The following PCDH15 variants were observed in gnomAD, a reference collection of about 807,000 sequenced individuals.
PCDH15 encodes the protein protocadherin related 15, also known as protocadherin-15.
A neutral mutation model predicts 178.5 loss-of-function variants in PCDH15; 129 were observed. That is an observed-to-expected ratio of 0.72 (90% CI 0.63 to 0.84). The LOEUF (loss-of-function observed/expected upper bound fraction) is 0.84. Ranked by LOEUF, PCDH15 falls within the 40% of genes least tolerant of loss-of-function variation. The pLI, the probability that PCDH15 is intolerant of heterozygous loss-of-function variation, is 0.00. For missense variants in PCDH15, 2,230 were observed against 2,099.9 expected (o/e 1.06, Z -1.21); for synonymous variants, 800 against 732.0 (o/e 1.09, Z -1.50).
chr10:54,858,579 G>T (rs538233015), intron 3 of PCDH15, among the ~76,000 whole-genome samples: 2 of 151,910 alleles, frequency 1.3e-5, no homozygotes, highest in Non-Finnish European at 2.9e-5. Context: ...TATTGCATGG[G>T]AGTGCTTCTT....
intron 13 of PCDH15, among the ~76,000 whole-genome samples, chr10:54,155,859 T>C (rs2045081692): frequency 1.3e-5 from 2 of 151,714 alleles, no homozygotes; most frequent in East Asian, 1.9e-4. Context: ...TTCTGAAGTC[T>C]ATTAGATGAT....
chr10:54,507,278 A>G (rs2081251585), intron 3 of PCDH15, among the ~76,000 whole-genome samples: 1 of 151,554 alleles, frequency 6.6e-6, no homozygotes, highest in Non-Finnish European at 1.5e-5. Context: ...AAATAATAAT[A>G]ATACTTTTAT....
At chr10:54,970,150 T>C (rs1352799153) in intron 2 of PCDH15, among the ~76,000 whole-genome samples, 1 of 152,224 alleles carries the variant, frequency 6.6e-6, no homozygotes, top group Non-Finnish European at 1.5e-5. Context: ...GCCATGCAAG[T>C]ACACAGTGGC....
chr10:54,254,238 G>T (rs2132146499), intron 8 of PCDH15, among the ~76,000 whole-genome samples: 1 of 152,180 alleles, frequency 6.6e-6, no homozygotes, highest in South Asian at 2.1e-4. Flanking sequence ...AAGAAGCAAT[G>T]ATTAGAATTT....
chr10:55,363,686 A>C (rs1588955503), intron 2 of PCDH15, among the ~76,000 whole-genome samples: 1 of 151,942 alleles, frequency 6.6e-6, no homozygotes, highest in African/African-American at 2.4e-5. Flanking sequence ...CACAGGCTGG[A>C]GTGCAATGGC....
chr10:55,345,141 G>GTC (rs764374706), intron 2 of PCDH15, among the ~76,000 whole-genome samples: 6,317 of 150,750 alleles, frequency 0.042, 244 homozygotes, highest in African/African-American at 0.11. Context: ...GTGTGTGTGT[G>GTC]TCTCTCTCTC....
intron 1 of PCDH15, among the ~76,000 whole-genome samples, chr10:55,179,573 C>CT (rs1181095564): frequency 2.6e-4 from 6 of 22,790 alleles, no homozygotes; most frequent in Admixed American, 2.0e-3. Context: ...CCCATAGAAA[C>CT]CTGGACTCAG....
rs74136394 is a variant in PCDH15 at position 55,212,213 on chromosome 10, A to T, written c.-155-45562T>A. ...AATTTGCACCCTATGCAGGTGGCAC[A>T]TCTAGTCCTAACCAGTTTTTCACAG... On this transcript the variant is annotated intron_variant, in intron 1 of 5. Coordinates refer to the PCDH15 transcript ENST00000458638. 3.7e-3 allele frequency among the ~76,000 whole-genome samples: 559 copies of T among 152,252 alleles called. 4 individuals carry two copies. Among genetic ancestry groups the T allele is most frequent in the African/African-American group, 0.013 (544 of 41,500 alleles).
At chr10:54,082,394 G>T (rs1270794980) in intron 16 of PCDH15, among the ~76,000 whole-genome samples, 1 of 152,060 alleles carries the variant, frequency 6.6e-6, no homozygotes, top group Non-Finnish European at 1.5e-5. Flanking sequence ...GTGTACTGGG[G>T]AATACAGAAT....
At chr10:53,865,749 A>ATT (rs112075602) in intron 27 of PCDH15, among the ~76,000 whole-genome samples, 4 of 151,564 alleles carry the variant, frequency 2.6e-5, no homozygotes, top group African/African-American at 9.7e-5. Flanking sequence ...GAAGAAAAAT[A>ATT]AAGCATTGAT....
chr10:54,585,246 A>G (rs1429820815), intron 2 of PCDH15, among the ~76,000 whole-genome samples: 1 of 152,116 alleles, frequency 6.6e-6, no homozygotes, highest in Non-Finnish European at 1.5e-5. Flanking sequence ...TGGAATATCT[A>G]TCCTGTGCGG....
intron 1 of PCDH15, among the ~76,000 whole-genome samples, chr10:54,795,828 A>G (rs1951895075): frequency 2.0e-5 from 3 of 151,882 alleles, no homozygotes; most frequent in Admixed American, 1.3e-4. Context: ...CTCTGATGAC[A>G]ATGCTTTTGC....
intron 8 of PCDH15, among the ~76,000 whole-genome samples, chr10:54,240,303 C>T (rs2055106902): frequency 6.9e-6 from 1 of 144,090 alleles, no homozygotes; most frequent in African/African-American, 2.6e-5. Context: ...CCAAAGAAAA[C>T]TGAGTAAAAA....
intron 2 of PCDH15, among the ~76,000 whole-genome samples, chr10:55,402,178 C>T (rs1012563210): frequency 4.7e-5 from 7 of 150,502 alleles, no homozygotes; most frequent in Non-Finnish European, 8.9e-5. Flanking sequence ...CAATGACTTA[C>T]ACAGTGCTTT....
intron 3 of PCDH15, among the ~76,000 whole-genome samples, chr10:54,521,868 T>A (rs141471305): frequency 0.023 from 3,456 of 152,026 alleles, 125 homozygotes; most frequent in African/African-American, 0.078. Context: ...GGCGGGTGGA[T>A]CACGAGGTCA....
chr10:55,533,067 T>TG (rs1554881869), intron 2 of PCDH15, among the ~76,000 whole-genome samples: 1 of 151,780 alleles, frequency 6.6e-6, no homozygotes, highest in Non-Finnish European at 1.5e-5. Context: ...TTTCAAAAAG[T>TG]AAAACGTCCC....
At chr10:54,703,183 G>C (rs2095329777) in intron 1 of PCDH15, among the ~76,000 whole-genome samples, 1 of 151,910 alleles carries the variant, frequency 6.6e-6, no homozygotes, top group Non-Finnish European at 1.5e-5. Flanking sequence ...AGCAGCCCTT[G>C]AGGTTAAAAA....
At chr10:55,382,125 C>T (rs1000031380) in intron 2 of PCDH15, among the ~76,000 whole-genome samples, 2 of 152,120 alleles carry the variant, frequency 1.3e-5, no homozygotes, top group South Asian at 2.1e-4. Flanking sequence ...ACTGGATATA[C>T]AAAAAATTCC....
intron 2 of PCDH15, among the ~76,000 whole-genome samples, chr10:55,143,420 G>C (rs1409067532): frequency 2.6e-5 from 4 of 152,054 alleles, no homozygotes; most frequent in Non-Finnish European, 5.9e-5. Flanking sequence ...AATAACATGA[G>C]ATAGGTTCTG....
Sources: gnomAD v4.1 joint callset for allele counts (sites outside exome capture counted in the v4.1 genomes callset) on GRCh38, gnomAD v4.1.1 for gene constraint, MANE v1.5 for transcripts, NCBI Gene and HGNC (gene_info 2026-07-23, HGNC 2026-07-21) for gene names.